CNTLN: variants seen among roughly 807,000 people sequenced by gnomAD.
The protein encoded by CNTLN is centlein.
CNTLN carries 212 observed loss-of-function variants against 180.0 expected under a neutral mutation model. The ratio of observed to expected loss-of-function variants is 1.18; its 90% confidence interval spans 1.05 to 1.32. The LOEUF (loss-of-function observed/expected upper bound fraction) is 1.32, where lower values mean the gene tolerates loss of function less well. Among genes scored for constraint, CNTLN ranks in the 40% most tolerant of loss-of-function variants. The probability of loss-of-function intolerance (pLI) is 0.00; values close to 1 mark genes in which losing one functional copy is unlikely to be tolerated. For synonymous variants in CNTLN, 722 were observed against 563.1 expected (o/e 1.28, Z -3.99); for missense variants, 2,095 against 1,610.9 (o/e 1.30, Z -5.14).
At chr9:17,275,504 T>C (rs1828252507) in intron 6 of CNTLN, among the ~76,000 whole-genome samples, 1 of 152,170 alleles carries the variant, frequency 6.6e-6, no homozygotes, top group Non-Finnish European at 1.5e-5. Flanking sequence ...CCTTTCTGAC[T>C]GTTTTCCATA....
In CNTLN at chr9:17,488,648, C is replaced by T. The variant is rs552222723; in HGVS notation, c.4119+1582C>T. On this transcript the variant is annotated intron_variant, in intron 25 of 25. Coordinates refer to ENST00000380647, the MANE Select transcript of CNTLN (RefSeq NM_017738.4). ...ACGTGGAGAGGTATATACATACATT[C>T]TGCATTAGCTGAATGTATGCTTATT... Among the ~76,000 whole-genome samples the T allele has an allele frequency of 4.6e-5, 7 of 152,142 alleles. No homozygotes were observed. The South Asian group carries it at 1.5e-3, about 32-fold the overall frequency.
intron 13 of CNTLN, among the ~76,000 whole-genome samples, chr9:17,370,405 C>G (rs1301552709): frequency 2.6e-5 from 4 of 152,030 alleles, no homozygotes; most frequent in Non-Finnish European, 5.9e-5. Context: ...GCATGACATA[C>G]TTAAAGTGCT....
intron 15 of CNTLN, among the ~76,000 whole-genome samples, chr9:17,397,280 A>C (rs1826608886): frequency 6.6e-6 from 1 of 152,204 alleles, no homozygotes; most frequent in Admixed American, 6.5e-5. Flanking sequence ...AAGTGAAAGC[A>C]AATTTACTAA....
chr9:17,362,751 A>C (rs1823500493), intron 12 of CNTLN, among the ~76,000 whole-genome samples: 1 of 151,274 alleles, frequency 6.6e-6, no homozygotes, highest in Non-Finnish European at 1.5e-5. Context: ...CTTTTTTTAA[A>C]ATTATACTTT....
At chr9:17,302,260 G>T (rs1225608820) in intron 7 of CNTLN, among the ~76,000 whole-genome samples, 1 of 150,798 alleles carries the variant, frequency 6.6e-6, no homozygotes, top group Non-Finnish European at 1.5e-5. Context: ...GCAGTGGCAC[G>T]ATCTCGACTC....
chr9:17,359,468 A>G (rs1393339346), intron 12 of CNTLN, among the ~76,000 whole-genome samples: 3 of 152,018 alleles, frequency 2.0e-5, no homozygotes, highest in Non-Finnish European at 2.9e-5. Context: ...TATTTTCAGT[A>G]TATATGTCCA....
At chr9:17,368,816 T>C (rs1564036605) in intron 13 of CNTLN, among the ~76,000 whole-genome samples, 1 of 152,316 alleles carries the variant, frequency 6.6e-6, no homozygotes, top group East Asian at 1.9e-4. Context: ...AATGCAGATA[T>C]GGACTAGATC....
intron 9 of CNTLN, among the ~76,000 whole-genome samples, chr9:17,331,384 A>G (rs1322830458): frequency 6.6e-6 from 1 of 151,650 alleles, no homozygotes; most frequent in Non-Finnish European, 1.5e-5. Flanking sequence ...TATTCATTAC[A>G]TAGTTGTGTT....
Position 17,298,179 on chromosome 9 carries a change from G to C in CNTLN, c.984-11G>C, listed in dbSNP as rs375304931. 7.9e-5 allele frequency: 113 copies of C among 1,434,498 alleles called. No homozygotes were observed. The highest frequency in any genetic ancestry group is 9.6e-5 in the Non-Finnish European group (105 of 1,088,218). 88.9% of individuals were successfully genotyped at this position (1,434,498 alleles called of 1,614,324 possible). On this transcript the variant is annotated splice_polypyrimidine_tract_variant and intron_variant, in intron 6 of 25. Transcript: ENST00000380647. ...CCATACTTTTCTCTATTTATTGCTTGCTTTGCACAGGAAGGAACTGCAGGA... is the reference window on the plus strand; with the variant it reads ...CCATACTTTTCTCTATTTATTGCTTCCTTTGCACAGGAAGGAACTGCAGGA...
chr9:17,423,134 T>G (rs1381735578), intron 18 of CNTLN, among the ~76,000 whole-genome samples: 2 of 152,132 alleles, frequency 1.3e-5, no homozygotes, highest in African/African-American at 4.8e-5. Context: ...GTCACTTCGA[T>G]GTCCACCACT....
intron 2 of CNTLN, among the ~76,000 whole-genome samples, chr9:17,205,484 C>T (rs192539198): frequency 7.9e-5 from 12 of 152,256 alleles, no homozygotes; most frequent in African/African-American, 2.6e-4. Context: ...ACACCGAACT[C>T]ACCAGACCAT....
intron 14 of CNTLN, among the ~76,000 whole-genome samples, chr9:17,390,235 C>CTTTTTTTTTTTTTTTT (rs35329298): frequency 1.3e-5 from 1 of 77,396 alleles, no homozygotes; most frequent in Non-Finnish European, 2.3e-5. Flanking sequence ...AAAAGAGCCT[C>CTTTTTTTTTTTTTTTT]TTTTTTTTTT....
chr9:17,497,608 GA>G (rs781606209), intron 25 of CNTLN, among the ~76,000 whole-genome samples: 1 of 152,054 alleles, frequency 6.6e-6, no homozygotes, highest in Admixed American at 6.6e-5. Flanking sequence ...AAATTAAAGA[GA>G]AAAAAGCTAT....
At chr9:17,231,236 G>A (rs1587261853) in intron 3 of CNTLN, among the ~76,000 whole-genome samples, 1 of 152,048 alleles carries the variant, frequency 6.6e-6, no homozygotes, top group Admixed American at 6.6e-5. Context: ...AGCTCCTAAT[G>A]TTCAAGATTT....
intron 7 of CNTLN, among the ~76,000 whole-genome samples, chr9:17,306,628 C>T (rs180842069): frequency 9.9e-5 from 15 of 152,266 alleles, no homozygotes; most frequent in Middle Eastern, 3.4e-3. Context: ...AATTGGTCCT[C>T]GATCCTGACC....
chr9:17,479,172 C>G (rs889041619), intron 23 of CNTLN, among the ~76,000 whole-genome samples: 3 of 152,156 alleles, frequency 2.0e-5, no homozygotes, highest in Non-Finnish European at 4.4e-5. Flanking sequence ...CACCATTGGA[C>G]TTAGTAATCC....
At chr9:17,249,349 TTTTTG>T (rs369819737) in intron 5 of CNTLN, among the ~76,000 whole-genome samples, 22,248 of 140,802 alleles carry the variant, frequency 0.16, 2,243 homozygotes, top group South Asian at 0.27. Context: ...TTGATTGTTT[TTTTTG>T]TTTTTTTTTT....
intron 2 of CNTLN, among the ~76,000 whole-genome samples, chr9:17,173,555 T>C (rs2131666119): frequency 6.6e-6 from 1 of 152,330 alleles, no homozygotes; most frequent in East Asian, 1.9e-4. Context: ...GCTGAAATTA[T>C]GGTATTAAAA....
Position 17,281,046 on chromosome 9 carries a change from C to CA in CNTLN, c.983+7187dup, listed in dbSNP as rs997184625. Among the ~76,000 whole-genome samples the CA allele has an allele frequency of 2.6e-5, 4 of 151,952 alleles. 1 individual carries two copies. Among genetic ancestry groups the CA allele is most frequent in the Admixed American group, 2.6e-4 (4 of 15,262 alleles). On this transcript the variant is annotated intron_variant, in intron 6 of 25. Transcript: ENST00000380647. ...TAGGTGCTCTGTTTATAGCAGTGAA[C>CA]AAAAAAAGTTCCTGCTCTCACAGAG...
Sources: gnomAD v4.1 joint callset for allele counts (sites outside exome capture counted in the v4.1 genomes callset) on GRCh38, gnomAD v4.1.1 for gene constraint, MANE v1.5 for transcripts, NCBI Gene and HGNC (gene_info 2026-07-23, HGNC 2026-07-21) for gene names.